Variants in MAN2B1 observed in about 807,000 individuals in gnomAD.
MAN2B1 encodes the protein lysosomal alpha-mannosidase.
A neutral mutation model predicts 127.5 loss-of-function variants in MAN2B1; 99 were observed. The ratio of observed to expected loss-of-function variants is 0.78; its 90% CI spans 0.66 to 0.92. MAN2B1 has a LOEUF of 0.92. Ranked by LOEUF, MAN2B1 falls within the 40% of genes least tolerant of loss-of-function variation. The pLI, the probability that MAN2B1 is intolerant of heterozygous loss-of-function variation, is 0.00. For synonymous variants in MAN2B1, 573 were observed against 568.8 expected (o/e 1.01, Z -0.11); for missense variants, 1,304 against 1,384.8 (o/e 0.94, Z 0.93).
chr19:12,652,609 G>GC (rs2023866629), intron 14 of MAN2B1, 149 bp from the exon 15 acceptor site: 2 of 658,624 alleles, frequency 3.0e-6, no homozygotes. Context: ...TTGGCTCACT[G>GC]CACCCCCCAC....
chr19:12,658,706 G>A, intron 7 of MAN2B1, 196 bp from the exon 8 acceptor site: 2 of 601,810 alleles, frequency 3.3e-6, no homozygotes, highest in Non-Finnish European at 3.0e-6. Context: ...TTTTTTAAAA[G>A]GATTTCAGAG....
intron 14 of MAN2B1, among the ~76,000 whole-genome samples, chr19:12,654,750 C>T (rs1306768595): frequency 6.6e-6 from 1 of 152,142 alleles, no homozygotes; most frequent in Admixed American, 6.6e-5. Flanking sequence ...TCTCGGCTCA[C>T]TGCAACCTCT....
intron 2 of MAN2B1, 50 bp downstream of exon 2, chr19:12,665,653 A>G: frequency 6.3e-7 from 1 of 1,592,424 alleles, no homozygotes; most frequent in South Asian, 1.1e-5. Context: ...ACCCAGAGGG[A>G]TTACAGGGAC....
intron 11 of MAN2B1, 96 bp downstream of exon 11, chr19:12,657,350 G>T: frequency 1.7e-6 from 2 of 1,171,564 alleles, no homozygotes; most frequent in Non-Finnish European, 2.4e-6. Context: ...AGGGCTCTCG[G>T]CTACGCCTCA....
At chr19:12,659,688 A>G (rs1051814165) in intron 7 of MAN2B1, among the ~76,000 whole-genome samples, 50 of 152,228 alleles carry the variant, frequency 3.3e-4, no homozygotes, top group Middle Eastern at 3.4e-3. Context: ...GGTTGGTGGC[A>G]CATGCCTGTA....
Position 12,647,930 on chromosome 19 carries a change from G to A in MAN2B1, c.2664+245C>T, listed in dbSNP as rs1391501644. ...TGAGAGGGCGGGGCTAAAGTGAAAT[G>A]GGCGGGGCCGGAGGTGAGTTGGTGG... is the stretch of plus-strand genomic sequence containing the variant. On this transcript the variant is annotated intron_variant, in intron 21 of 23. Coordinates refer to ENST00000456935, the MANE Select transcript of MAN2B1 (RefSeq NM_000528.4). This position sits in a 1 kb window ranked among gnomAD's most constrained non-coding sequence, Gnocchi z 4.9. 6.6e-6 allele frequency among the ~76,000 whole-genome samples: 1 copy of A among 152,148 alleles called. No individual in the cohort carries two copies. The highest frequency in any genetic ancestry group is 1.5e-5 in the Non-Finnish European group (1 of 68,000).
At position 12,658,314 on chromosome 19, in the gene MAN2B1, G is replaced by C; in HGVS notation, c.1140C>G (p.Tyr380Ter). The C allele has an allele frequency of 1.2e-6, 2 of 1,614,230 alleles. No individual in the cohort carries two copies. Among genetic ancestry groups the C allele is most frequent in the Non-Finnish European group, 1.7e-6 (2 of 1,180,040 alleles). ...TCCAGAACTGGTGGGGGCCATCCGC[G>C]TAAGGGAAGAAGTCGTCATGTTTCA... ...WSVKHDDFFP[Y>*]ADGPHQFWTG... The change falls in exon 9 of 24, where the codon TAC becomes TAG. Residue 380 changes from tyrosine (Y) to a stop codon, truncating the protein, a stop_gained. Coordinates refer to ENST00000456935, the MANE Select transcript of MAN2B1 (RefSeq NM_000528.4). LOFTEE classifies it high-confidence loss of function.
chr19:12,661,205 C>T, intron 7 of MAN2B1, 55 bp downstream of exon 7: 5 of 1,228,576 alleles, frequency 4.1e-6, no homozygotes, highest in East Asian at 2.3e-5. Flanking sequence ...TAACCCAAGG[C>T]CCCCGGATGC....
chr19:12,654,965 C>G (rs1017990913), intron 14 of MAN2B1, among the ~76,000 whole-genome samples: 1 of 152,146 alleles, frequency 6.6e-6, no homozygotes, highest in Non-Finnish European at 1.5e-5. Context: ...GATGCCTGGC[C>G]TATTTTATTA....
intron 14 of MAN2B1, 108 bp downstream of exon 14, chr19:12,655,586 A>T: frequency 8.9e-7 from 1 of 1,120,770 alleles, no homozygotes; most frequent in Admixed American, 2.3e-5. Flanking sequence ...GGGAGTTGTG[A>T]CAGGAGGTCA....
chr19:12,655,090 C>T (rs1461141955), intron 14 of MAN2B1, among the ~76,000 whole-genome samples: 1 of 152,188 alleles, frequency 6.6e-6, no homozygotes, highest in Non-Finnish European at 1.5e-5. Context: ...TCTGGGCCTC[C>T]CAATTAGCTG....
chr19:12,648,137 T>A (rs2023739129), intron 21 of MAN2B1, 38 bp downstream of exon 21: 1 of 1,514,368 alleles, frequency 6.6e-7, no homozygotes, highest in East Asian at 2.5e-5. Context: ...CTGGTAGACT[T>A]CAATCCGGTC....
At chr19:12,664,028 G>A (rs773152494) in intron 4 of MAN2B1, among the ~76,000 whole-genome samples, 193 bp from the exon 5 acceptor site, 27 of 152,252 alleles carry the variant, frequency 1.8e-4, no homozygotes, top group Admixed American at 3.9e-4. Flanking sequence ...AGGAGTTTTT[G>A]AGACCAGCCT....
intron 12 of MAN2B1, 111 bp from the exon 13 acceptor site, chr19:12,656,798 G>T (rs896556334): frequency 9.3e-7 from 1 of 1,073,222 alleles, no homozygotes; most frequent in Non-Finnish European, 1.4e-6. Context: ...CGGCACTTAA[G>T]GCCAAGCCCC....
In MAN2B1 at chr19:12,647,233, C is replaced by CA; in HGVS notation, c.2922_2923insT (p.Gly975TrpfsTer?). ...TCCCTACCCCTGACCAGGGCCCCAC[C>CA]TGTGTTTGTTGTCCACTTGAGCCTG... is the stretch of plus-strand genomic sequence containing the variant. On this transcript the variant is annotated frameshift_variant and splice_region_variant, in exon 23 of 24. Transcript: ENST00000456935. LOFTEE classifies it low-confidence loss of function (END_TRUNC). The surrounding 1 kb of genome is among the most constrained non-coding windows in gnomAD (Gnocchi z 4.9). 1 of 1,613,326 alleles carries CA rather than the reference C, an allele frequency of 6.2e-7. No homozygotes were observed. Among genetic ancestry groups the CA allele is most frequent in the Non-Finnish European group, 8.5e-7 (1 of 1,179,306 alleles).
intron 6 of MAN2B1, 81 bp from the exon 7 acceptor site, chr19:12,661,457 C>G: frequency 1.1e-6 from 1 of 938,028 alleles, no homozygotes; most frequent in South Asian, 1.3e-5. Context: ...TATATGGGGT[C>G]AAGGATGTTG....
Position 12,665,424 on chromosome 19 carries a change from C to T in MAN2B1, c.364G>A (p.Ala122Thr), listed in dbSNP as rs769724092. Residue 122 changes from alanine (A) to threonine (T), a missense_variant, in exon 3 of 24, where the codon GCC becomes ACC. Physicochemically the swap from Ala to Thr is moderately conservative, Grantham distance 58. Coordinates refer to ENST00000456935, the MANE Select transcript of MAN2B1 (RefSeq NM_000528.4). Reference protein sequence around the residue: ...PTRRFIYVEIAFFSRWWHQQT... With the variant: ...PTRRFIYVEITFFSRWWHQQT... The stretch of plus-strand genomic sequence containing the variant: ...TGGTGCCACCAACGGGAGAAGAAGG[C>T]AATCTCCACGTAAATGAAGCGACGG... 2 of 1,600,024 alleles carry T rather than the reference C, an allele frequency of 1.2e-6. No individual in the cohort carries two copies. Among genetic ancestry groups the T allele is most frequent in the Non-Finnish European group, 1.7e-6 (2 of 1,171,144 alleles).
chr19:12,658,199 C>T (rs1158877183), intron 9 of MAN2B1, 25 bp downstream of exon 9: 2 of 1,613,810 alleles, frequency 1.2e-6, no homozygotes, highest in African/African-American at 1.3e-5. Flanking sequence ...GGCTGCATGC[C>T]CCCTCTAGCC....
In MAN2B1 at chr19:12,650,214, C is replaced by G. The variant is rs142754988; in HGVS notation, c.2055G>C (p.Leu685Phe). 1.2e-6 allele frequency: 2 copies of G among 1,611,682 alleles called. No individual in the cohort carries two copies. Among genetic ancestry groups the G allele is most frequent in the African/African-American group, 1.3e-5 (1 of 74,858 alleles). ...AGAAGTTCTGGTGCACCTCCTGCAC[C>G]AAGGGTGTCTGCGGGCACACGGGTG... ...WAQIHLVKTPLVQEVHQNFSA... is the reference protein window; with the variant it reads ...WAQIHLVKTPFVQEVHQNFSA... The change falls in exon 17 of 24, where the codon TTG becomes TTC. Residue 685 changes from leucine to phenylalanine, a missense_variant. Leu to Phe is a conservative substitution (Grantham distance 22, BLOSUM62 0). Transcript: ENST00000456935.
Sources: gnomAD v4.1 joint callset for allele counts (sites outside exome capture counted in the v4.1 genomes callset) on GRCh38, gnomAD v4.1.1 for gene constraint, Gnocchi (gnomAD v3.1) non-coding constraint, MANE v1.5 for transcripts, NCBI Gene and HGNC (gene_info 2026-07-23, HGNC 2026-07-21) for gene names.